The following SHISA6 variants were observed in gnomAD, a reference collection of about 807,000 sequenced individuals.
SHISA6 encodes the protein shisa family member 6.
A neutral mutation model predicts 47.9 loss-of-function variants in SHISA6; 22 were observed. That is an observed-to-expected ratio of 0.46 (90% CI 0.33 to 0.66). SHISA6 has a LOEUF of 0.66. Among genes scored for constraint, SHISA6 ranks in the 30% least tolerant of loss-of-function variants. The probability of loss-of-function intolerance (pLI) is 0.02; values close to 1 mark genes in which losing one functional copy is unlikely to be tolerated. For synonymous variants in SHISA6, 388 were observed against 337.8 expected (o/e 1.15, Z -1.63); for missense variants, 680 against 764.6 (o/e 0.89, Z 1.30).
chr17:11,446,381 ACAGACT>A (rs1915238220), intron 3 of SHISA6, among the ~76,000 whole-genome samples: 1 of 152,226 alleles, frequency 6.6e-6, no homozygotes, highest in African/African-American at 2.4e-5. Flanking sequence ...CCTCAAAGAC[ACAGACT>A]CAGAGCCTTA....
At chr17:11,474,403 TG>T (rs1276173919) in intron 3 of SHISA6, among the ~76,000 whole-genome samples, 14 of 85,270 alleles carry the variant, frequency 1.6e-4, no homozygotes, top group African/African-American at 4.1e-4. Context: ...CACTTTTTGA[TG>T]GTTTTTTTTT....
chr17:11,496,565 C>A (rs1349794983), intron 3 of SHISA6, among the ~76,000 whole-genome samples: 1 of 151,906 alleles, frequency 6.6e-6, no homozygotes, highest in Non-Finnish European at 1.5e-5. Context: ...TGGTGAAACC[C>A]CATCTCTACT....
In SHISA6 at chr17:11,526,949, A is replaced by G. The variant is rs527993709; in HGVS notation, c.896-24947A>G. On this transcript the variant is annotated intron_variant, in intron 3 of 5. Transcript: ENST00000441885. ...TATATATATATATTATAATGATCAA[A>G]TCAGGGTATTTAGGCTATCCATCGC... Among the ~76,000 whole-genome samples, 166 of 139,876 alleles carry G rather than the reference A, an allele frequency of 1.2e-3. 3 individuals are homozygous for G. The highest frequency in any genetic ancestry group is 2.0e-3 in the Non-Finnish European group (128 of 64,246). 91.8% of individuals were successfully genotyped at this position (139,876 alleles called of 152,430 possible). A position where few individuals can be genotyped will look rare whatever the true frequency, so the allele number is the denominator to read the frequency against.
intron 2 of SHISA6, among the ~76,000 whole-genome samples, chr17:11,363,264 G>C (rs1448399616): frequency 1.3e-5 from 2 of 149,778 alleles, no homozygotes; most frequent in East Asian, 3.9e-4. Flanking sequence ...CAACTCTCCT[G>C]GTGTCACATT....
intron 3 of SHISA6, among the ~76,000 whole-genome samples, chr17:11,539,349 G>C (rs1225578537): frequency 6.6e-6 from 1 of 152,196 alleles, no homozygotes; most frequent in African/African-American, 2.4e-5. Context: ...AACAGAAATT[G>C]CTTTTGTTAT....
intron 3 of SHISA6, among the ~76,000 whole-genome samples, chr17:11,417,511 T>C (rs932187953): frequency 1.3e-5 from 2 of 152,196 alleles, no homozygotes; most frequent in African/African-American, 4.8e-5. Context: ...CAGTGGACAT[T>C]CTCCAGGACA....
At chr17:11,244,079 T>TA (rs1907481349) in intron 1 of SHISA6, among the ~76,000 whole-genome samples, 1 of 152,178 alleles carries the variant, frequency 6.6e-6, no homozygotes, top group Non-Finnish European at 1.5e-5. Context: ...TGATGCCCCT[T>TA]ACGCCAAACT....
Position 11,253,024 on chromosome 17 carries a change from G to A in SHISA6, c.639-10342G>A, listed in dbSNP as rs77823849. 5.5e-3 allele frequency among the ~76,000 whole-genome samples: 835 copies of A among 152,272 alleles called. 6 individuals carry two copies. The highest frequency in any genetic ancestry group is 8.3e-3 in the Non-Finnish European group (568 of 68,032). ...GCTTCTTACCCAGCCTCAAGCATTCGCGAAGAAGAATATATCGGGCTTTTG... is the reference window on the plus strand; with the variant it reads ...GCTTCTTACCCAGCCTCAAGCATTCACGAAGAAGAATATATCGGGCTTTTG... On this transcript the variant is annotated intron_variant, in intron 1 of 5. Transcript: ENST00000441885.
intron 2 of SHISA6, among the ~76,000 whole-genome samples, chr17:11,331,774 C>T (rs1320158335): frequency 6.6e-6 from 1 of 151,936 alleles, no homozygotes; most frequent in Non-Finnish European, 1.5e-5. Flanking sequence ...CCCCCTTGGT[C>T]ACTTCCTCCT....
chr17:11,362,385 A>C (rs205069), intron 2 of SHISA6, among the ~76,000 whole-genome samples: 150,927 of 152,346 alleles, frequency 0.99, 74,777 homozygotes, highest in East Asian at 1. Flanking sequence ...AGTGATCTAC[A>C]TGCCTCAGCC....
chr17:11,255,938 A>G lies in SHISA6; in HGVS notation c.639-7428A>G, dbSNP rs73976916. On this transcript the variant is annotated intron_variant, in intron 1 of 5. Coordinates refer to ENST00000441885, the MANE Select transcript of SHISA6 (RefSeq NM_207386.4). ...GTGCCAGGCTCCTTGTAAGCCTCGT[A>G]AGCACTTTACAACTATTACATCATT... Among the ~76,000 whole-genome samples, 294 of 152,350 alleles carry G rather than the reference A, an allele frequency of 1.9e-3. 2 individuals carry two copies. Among genetic ancestry groups the G allele is most frequent in the Middle Eastern group, 6.8e-3 (2 of 294 alleles).
chr17:11,441,297 A>G (rs1915087269), intron 3 of SHISA6, among the ~76,000 whole-genome samples: 1 of 152,236 alleles, frequency 6.6e-6, no homozygotes, highest in Non-Finnish European at 1.5e-5. Context: ...GTTTGAAAAT[A>G]TAAGGCTTTG....
At chr17:11,352,531 G>A (rs891990953) in intron 2 of SHISA6, among the ~76,000 whole-genome samples, 2 of 152,216 alleles carry the variant, frequency 1.3e-5, no homozygotes, top group African/African-American at 4.8e-5. Flanking sequence ...TACAGTGTGA[G>A]CTTTCAGCAG....
intron 3 of SHISA6, among the ~76,000 whole-genome samples, chr17:11,434,009 C>T (rs1193302867): frequency 1.3e-5 from 2 of 151,868 alleles, no homozygotes; most frequent in Non-Finnish European, 2.9e-5. Flanking sequence ...CCCAGAACCA[C>T]ATGCGGTATA....
intron 3 of SHISA6, among the ~76,000 whole-genome samples, chr17:11,495,996 TCCATCCATCCATCCATCCATCCATCC>T (rs1261883069): frequency 1.4e-5 from 2 of 146,754 alleles, no homozygotes; most frequent in Non-Finnish European, 3.0e-5. Flanking sequence ...TATCCATTCA[TCCATCCATCCATCCATCCATCCATCC>T]ATCCATCCAT....
At chr17:11,327,345 AT>A (rs1238307826) in intron 2 of SHISA6, among the ~76,000 whole-genome samples, 1 of 152,236 alleles carries the variant, frequency 6.6e-6, no homozygotes, top group Admixed American at 6.5e-5. Flanking sequence ...TGGGCAAGTC[AT>A]TTCCCTTCCG....
chr17:11,561,133 T>G lies in SHISA6; in HGVS notation c.*2829T>G, dbSNP rs1356335093. 1 of 152,204 alleles carries G rather than the reference T, an allele frequency of 6.6e-6. No homozygotes were observed. Among genetic ancestry groups the G allele is most frequent in the Non-Finnish European group, 1.5e-5 (1 of 68,066 alleles). 9.4% of individuals were successfully genotyped at this position (152,204 alleles called of 1,614,324 possible). On this transcript the variant is annotated 3_prime_UTR_variant, in exon 6 of 6. Transcript: ENST00000441885. ...TCACGTAGCAGATAAAAGAGGCTTC[T>G]GGGGCTGGAACCTAGATGCCATGAT...
chr17:11,338,328 C>A (rs1404263222), intron 2 of SHISA6, among the ~76,000 whole-genome samples: 3 of 152,188 alleles, frequency 2.0e-5, no homozygotes, highest in Admixed American at 2.0e-4. Context: ...TGAAAGCCAC[C>A]TAGAATTTGT....
chr17:11,304,372 A>G (rs141009317), intron 2 of SHISA6, among the ~76,000 whole-genome samples: 20 of 152,242 alleles, frequency 1.3e-4, no homozygotes, highest in Non-Finnish European at 2.5e-4. Context: ...TTTTCCTCCT[A>G]CAGCTTTGAT....
Sources: allele counts gnomAD v4.1 joint callset (sites outside exome capture counted in the v4.1 genomes callset), GRCh38; gene constraint gnomAD v4.1.1; transcripts MANE v1.5; gene names NCBI Gene and HGNC (gene_info 2026-07-23, HGNC 2026-07-21).